Variants in PPM1L observed in about 807,000 individuals in gnomAD.
PPM1L encodes the protein protein phosphatase 1L.
A neutral mutation model predicts 31.4 loss-of-function variants in PPM1L; 13 were observed. That is an observed-to-expected ratio of 0.41 (90% CI 0.27 to 0.66). The LOEUF (loss-of-function observed/expected upper bound fraction) is 0.66, where lower values mean the gene tolerates loss of function less well. Among genes scored for constraint, PPM1L ranks in the 30% least tolerant of loss-of-function variants. The pLI is 0.29. For synonymous variants in PPM1L, 184 were observed against 175.4 expected (o/e 1.05, Z -0.39); for missense variants, 326 against 453.7 (o/e 0.72, Z 2.56).
intron 2 of PPM1L, among the ~76,000 whole-genome samples, chr3:160,979,270 G>A (rs1213302067): frequency 6.6e-6 from 1 of 151,912 alleles, no homozygotes; most frequent in Non-Finnish European, 1.5e-5. Flanking sequence ...CCAGTTCAGG[G>A]TTACAGGTGT....
chr3:160,849,772 G>A (rs1226063996), intron 1 of PPM1L, among the ~76,000 whole-genome samples: 2 of 151,760 alleles, frequency 1.3e-5, no homozygotes, highest in Non-Finnish European at 2.9e-5. Flanking sequence ...CACTGTGTGA[G>A]CCAGGATGGT....
At chr3:160,824,936 T>G (rs1165053491) in intron 1 of PPM1L, among the ~76,000 whole-genome samples, 1 of 152,130 alleles carries the variant, frequency 6.6e-6, no homozygotes, top group East Asian at 1.9e-4. Context: ...AATTCTTCCT[T>G]TAGGGATTTC....
At chr3:160,916,327 C>A (rs1039487609) in intron 1 of PPM1L, among the ~76,000 whole-genome samples, 1 of 151,964 alleles carries the variant, frequency 6.6e-6, no homozygotes, top group African/African-American at 2.4e-5. Context: ...CATCACTGGC[C>A]ATCAGAGAAA....
intron 1 of PPM1L, among the ~76,000 whole-genome samples, chr3:160,930,463 A>G (rs1714745484): frequency 6.6e-6 from 1 of 152,194 alleles, no homozygotes; most frequent in Admixed American, 6.5e-5. Flanking sequence ...GTTAGTTCAT[A>G]CTTTATTACT....
intron 1 of PPM1L, among the ~76,000 whole-genome samples, chr3:160,909,057 CA>C (rs1713862289): frequency 1.3e-5 from 2 of 152,140 alleles, no homozygotes; most frequent in Non-Finnish European, 2.9e-5. Context: ...CAAGAGAGAA[CA>C]GGGCTAAATT....
chr3:160,777,404 AT>A (rs1001191237), intron 1 of PPM1L, among the ~76,000 whole-genome samples: 3 of 152,172 alleles, frequency 2.0e-5, no homozygotes, highest in Non-Finnish European at 2.9e-5. Flanking sequence ...CATTATAACC[AT>A]TTTTAAGTGT....
At chr3:160,920,500 C>G (rs564048392) in intron 1 of PPM1L, among the ~76,000 whole-genome samples, 5 of 151,928 alleles carry the variant, frequency 3.3e-5, no homozygotes, top group African/African-American at 1.2e-4. Flanking sequence ...TTTAGGAGTG[C>G]GGTGTATGGT....
intron 2 of PPM1L, among the ~76,000 whole-genome samples, chr3:160,983,426 T>A (rs1270108219): frequency 1.3e-5 from 2 of 151,700 alleles, no homozygotes; most frequent in Non-Finnish European, 2.9e-5. Flanking sequence ...TTTTAGCAGA[T>A]TTTTTGGGGG....
intron 2 of PPM1L, among the ~76,000 whole-genome samples, chr3:161,042,352 C>T (rs1046354413): frequency 6.6e-6 from 1 of 152,180 alleles, no homozygotes; most frequent in Non-Finnish European, 1.5e-5. Flanking sequence ...CAGCCACCAG[C>T]CTAGCAAGCA....
intron 1 of PPM1L, among the ~76,000 whole-genome samples, chr3:160,956,227 C>T (rs752774116): frequency 1.2e-4 from 18 of 152,210 alleles, no homozygotes; most frequent in East Asian, 1.9e-4. Context: ...TCCAGACTAA[C>T]GCTAGAATGG....
chr3:160,933,173 A>G (rs558444731), intron 1 of PPM1L, among the ~76,000 whole-genome samples: 1 of 152,312 alleles, frequency 6.6e-6, no homozygotes, highest in South Asian at 2.1e-4. Context: ...CTTGTATTAT[A>G]TGCCATTTTT....
intron 1 of PPM1L, among the ~76,000 whole-genome samples, chr3:160,787,575 T>C (rs1435549506): frequency 6.6e-6 from 1 of 152,214 alleles, no homozygotes; most frequent in Non-Finnish European, 1.5e-5. Context: ...TGATAGTTTC[T>C]TTTGCTGTGC....
chr3:160,944,979 A>ATG (rs1715334252), intron 1 of PPM1L, among the ~76,000 whole-genome samples: 1 of 43,012 alleles, frequency 2.3e-5, no homozygotes, highest in African/African-American at 5.8e-5. Context: ...ATTATATATA[A>ATG]CTATATATAA....
chr3:160,775,630 T>C (rs141909692), intron 1 of PPM1L, among the ~76,000 whole-genome samples: 3 of 152,288 alleles, frequency 2.0e-5, no homozygotes, highest in African/African-American at 7.2e-5. Context: ...AGTTTGAGAA[T>C]TGGGGGCTGG....
intron 1 of PPM1L, among the ~76,000 whole-genome samples, chr3:160,767,835 C>T (rs1715144715): frequency 6.6e-6 from 1 of 152,014 alleles, no homozygotes; most frequent in African/African-American, 2.4e-5. Flanking sequence ...AGGGCAGAAA[C>T]TGTTTTATTC....
In PPM1L at chr3:161,078,435, T is replaced by C. The variant is rs981552064; in HGVS notation, c.*9278T>C. The stretch of plus-strand genomic sequence containing the variant: ...AAAGAGATACAGGATCTATAATTTA[T>C]TGGCAATACTTTATTTTAGGAATCT... On this transcript the variant is annotated 3_prime_UTR_variant, in exon 4 of 4. Coordinates refer to ENST00000498165, the MANE Select transcript of PPM1L (RefSeq NM_139245.4). The C allele has an allele frequency of 1.3e-5, 2 of 152,252 alleles. No individual in the cohort carries two copies. Among genetic ancestry groups the C allele is most frequent in the Non-Finnish European group, 2.9e-5 (2 of 68,042 alleles). The allele number at this position is 152,252 out of a possible 1,614,324, so 9.4% of individuals were successfully genotyped here.
Position 160,983,756 on chromosome 3 carries a change from G to T in PPM1L, c.574+21846G>T, listed in dbSNP as rs188960499. Among the ~76,000 whole-genome samples the T allele has an allele frequency of 2.3e-3, 355 of 152,234 alleles. 1 individual carries two copies. Among genetic ancestry groups the T allele is most frequent in the African/African-American group, 8.1e-3 (336 of 41,530 alleles). On this transcript the variant is annotated intron_variant, in intron 2 of 3. Coordinates refer to ENST00000498165, the MANE Select transcript of PPM1L (RefSeq NM_139245.4). ...TTCTTTTCTATTTACCTAAGTGTCAGCCAGTCTGAGAAATAAAGGGAAAGA... is the reference window on the plus strand; with the variant it reads ...TTCTTTTCTATTTACCTAAGTGTCATCCAGTCTGAGAAATAAAGGGAAAGA...
chr3:161,007,613 G>A (rs1032409574), intron 2 of PPM1L, among the ~76,000 whole-genome samples: 3 of 152,164 alleles, frequency 2.0e-5, no homozygotes, highest in African/African-American at 7.2e-5. Context: ...ACACAAATTC[G>A]TAAACTTTCT....
At chr3:160,821,727 AT>A (rs1189550224) in intron 1 of PPM1L, among the ~76,000 whole-genome samples, 1 of 151,614 alleles carries the variant, frequency 6.6e-6, no homozygotes, top group Admixed American at 6.6e-5. Context: ...GTTTTTACTG[AT>A]TTTTTTCCTT....
Sources: gnomAD v4.1 joint callset for allele counts (sites outside exome capture counted in the v4.1 genomes callset) on GRCh38, gnomAD v4.1.1 for gene constraint, MANE v1.5 for transcripts, NCBI Gene and HGNC (gene_info 2026-07-23, HGNC 2026-07-21) for gene names.